Variants in MED24 observed in about 807,000 individuals in gnomAD.
MED24 encodes mediator of RNA polymerase II transcription subunit 24.
A neutral mutation model predicts 118.8 loss-of-function variants in MED24; 74 were observed. That is an observed-to-expected ratio of 0.62 (90% CI 0.52 to 0.76). MED24 has a LOEUF of 0.76. MED24 is among the 30% of genes least tolerant of loss of function. The pLI is 0.00. For missense variants in MED24, 1,041 were observed against 1,278.9 expected, an observed-to-expected ratio of 0.81 and a Z score of 2.84; for synonymous variants, 521 against 523.9, an observed-to-expected ratio of 0.99 and a Z score of 0.08.
chr17:40,041,058 T>A (rs1984513658), intron 3 of MED24, among the ~76,000 whole-genome samples: 1 of 151,548 alleles, frequency 6.6e-6, no homozygotes, highest in Admixed American at 6.6e-5. Flanking sequence ...AACATAAGAG[T>A]CTTCTACACT....
chr17:40,030,665 T>A (rs200914337), intron 12 of MED24, among the ~76,000 whole-genome samples: 75 of 58,844 alleles, frequency 1.3e-3, no homozygotes, highest in South Asian at 0.011. Flanking sequence ...TTTATTTATT[T>A]ATTTTTTTTT....
At chr17:40,042,033 C>G (rs1015047434) in intron 3 of MED24, among the ~76,000 whole-genome samples, 4 of 152,156 alleles carry the variant, frequency 2.6e-5, no homozygotes, top group African/African-American at 9.7e-5. Flanking sequence ...GTCTGCAAAG[C>G]TGAAAATACT....
Position 40,026,865 on chromosome 17 carries a change from A to T in MED24, c.1700T>A (p.Met567Lys). Residue 567 changes from methionine (M) to lysine (K), a missense_variant, in exon 17 of 26, where the codon ATG becomes AAG. This residue lies in a region of MED24 where 587 missense variants were observed against 694.4 expected (regional missense o/e 0.85). Coordinates refer to ENST00000394128, the MANE Select transcript of MED24 (RefSeq NM_014815.4). Reference protein sequence around the residue: ...LVALLNNSSEMKLVQMKWHEA... With the variant: ...LVALLNNSSEKKLVQMKWHEA... ...CGCCCGGGCCACTGACACTAGCTTC[A>T]TCTCCGAGGAGTTGTTGAGCAGGGC... 1 of 1,612,680 alleles carries T rather than the reference A, an allele frequency of 6.2e-7. No homozygotes were observed.
chr17:40,050,094 T>TGAGCC (rs1985664695), intron 3 of MED24, among the ~76,000 whole-genome samples: 1 of 135,542 alleles, frequency 7.4e-6, no homozygotes, highest in African/African-American at 2.9e-5. Context: ...GAGGTTGCAG[T>TGAGCC]GAGCCGAGAT....
At chr17:40,030,662 A>ATTT (rs34089076) in intron 12 of MED24, among the ~76,000 whole-genome samples, 5 of 73,988 alleles carry the variant, frequency 6.8e-5, no homozygotes, top group African/African-American at 1.9e-4. Flanking sequence ...TTATTTATTT[A>ATTT]TTTATTTTTT....
Position 40,033,490 on chromosome 17 carries a change from G to C in MED24, c.560-34C>G. 1.3e-6 allele frequency: 2 copies of C among 1,523,646 alleles called. No homozygotes were observed. The highest frequency in any genetic ancestry group is 1.8e-6 in the Non-Finnish European group (2 of 1,120,816). The allele number at this position is 1,523,646 out of a possible 1,614,324, so 94.4% of individuals were successfully genotyped here. On this transcript the variant is annotated intron_variant, in intron 6 of 25. Transcript: ENST00000394128. This position sits in a 1 kb window ranked among gnomAD's most constrained non-coding sequence, Gnocchi z 5.2. Reference sequence around the variant, plus strand: ...GGGAAGGAAGTACAGAAACATGATGGGAAACAGGAGAGAAGGAGCACCTGG... The same window carrying C: ...GGGAAGGAAGTACAGAAACATGATGCGAAACAGGAGAGAAGGAGCACCTGG...
intron 3 of MED24, among the ~76,000 whole-genome samples, chr17:40,043,615 G>A (rs961815553): frequency 2.0e-5 from 3 of 151,932 alleles, no homozygotes; most frequent in East Asian, 3.9e-4. Flanking sequence ...TAAGCCAGGC[G>A]CGGTGGCTCA....
intron 3 of MED24, among the ~76,000 whole-genome samples, chr17:40,036,830 T>C (rs1983999264): frequency 1.3e-5 from 2 of 152,046 alleles, no homozygotes; most frequent in South Asian, 2.1e-4. Context: ...GAGGTTTTAA[T>C]GGGTAAGAAC....
chr17:40,027,309 A>T, intron 16 of MED24, 74 bp downstream of exon 16: 1 of 1,472,506 alleles, frequency 6.8e-7, no homozygotes, highest in South Asian at 1.3e-5. Flanking sequence ...GCGGGGGCGC[A>T]GGCAGTGAGG....
chr17:40,031,085 G>A (rs1983314097), intron 12 of MED24, 74 bp downstream of exon 12: 4 of 1,421,412 alleles, frequency 2.8e-6, no homozygotes, highest in East Asian at 5.0e-5. Flanking sequence ...AGGTTGAAAG[G>A]CACGCAGCAG....
chr17:40,039,113 A>G (rs1984269534), intron 3 of MED24, among the ~76,000 whole-genome samples: 1 of 152,212 alleles, frequency 6.6e-6, no homozygotes. Flanking sequence ...GCCGGGAGAG[A>G]AACCCCCAAT....
At chr17:40,022,885 C>G in intron 20 of MED24, 59 bp from the exon 21 acceptor site, 1 of 1,569,012 alleles carries the variant, frequency 6.4e-7, no homozygotes, top group Non-Finnish European at 8.7e-7. Context: ...GGGGCTCCTA[C>G]ACCCTGCCAC....
rs765937758 is a variant in MED24 at position 40,020,277 on chromosome 17, G to A, written c.2700C>T (p.Val900=). The change falls in exon 24 of 26, where the codon GTC becomes GTT. Residue 900 remains valine, a synonymous_variant. Transcript: ENST00000394128. ...TVNMRDPLNR[V]LANLFLLISS... is the part of the protein sequence containing the mutation. ...CAGCAGGGGTGGGGAACTCACCCAG[G>A]ACTCGGTTCAGAGGGTCCCGCATGT... is the stretch of plus-strand genomic sequence containing the variant. 26 of 1,539,008 alleles carry A rather than the reference G, an allele frequency of 1.7e-5. No individual in the cohort carries two copies. The Middle Eastern group carries it at 8.7e-4, about 51-fold the overall frequency.
In MED24 at chr17:40,019,793, AGGG is replaced by A; in HGVS notation, c.2842_2844del (p.Pro948del). On this transcript the variant is annotated inframe_deletion, in exon 25 of 26. Coordinates refer to ENST00000394128, the MANE Select transcript of MED24 (RefSeq NM_014815.4). ...GGGAAGGTGGTACTCACGGTGGTGA[AGGG>A]CATGAACTGCAGGACGCTGCCACGG... is the stretch of plus-strand genomic sequence containing the variant. 2 of 1,611,740 alleles carry A rather than the reference AGGG, an allele frequency of 1.2e-6. No homozygotes were observed. Among genetic ancestry groups the A allele is most frequent in the Non-Finnish European group, 1.7e-6 (2 of 1,178,848 alleles).
Position 40,031,175 on chromosome 17 carries a change from T to A in MED24, c.1138A>T (p.Asn380Tyr). The A allele has an allele frequency of 6.4e-7, 1 of 1,568,568 alleles. No individual in the cohort carries two copies. Among genetic ancestry groups the A allele is most frequent in the South Asian group, 1.2e-5 (1 of 85,198 alleles). ...QGLLSEASVNNLMAKRKADRE... is the reference protein window; with the variant it reads ...QGLLSEASVNYLMAKRKADRE... ...CACACTTACCGCTTAGCCATAAGGT[T>A]GTTGACGCTGGCCTCAGACAGAAGC... The change falls in exon 12 of 26, where the codon AAC becomes TAC. Residue 380 changes from asparagine to tyrosine, a missense_variant. Transcript: ENST00000394128.
At position 40,053,624 on chromosome 17, in the gene MED24, G is replaced by A. The variant is rs1370225251; in HGVS notation, c.-26C>T. 2 of 1,613,978 alleles carry A rather than the reference G, an allele frequency of 1.2e-6. No individual in the cohort carries two copies. Among genetic ancestry groups the A allele is most frequent in the Non-Finnish European group, 8.5e-7 (1 of 1,180,028 alleles). On this transcript the variant is annotated 5_prime_UTR_variant, in exon 2 of 26. Transcript: ENST00000394128. The stretch of plus-strand genomic sequence containing the variant: ...TATTTCACTCTGAGCAGGTGGCAGC[G>A]GTGGCGGCCAGCTTTGAGGTGAAAG...
intron 3 of MED24, among the ~76,000 whole-genome samples, chr17:40,041,883 CAG>C (rs1253568397): frequency 6.6e-6 from 1 of 152,204 alleles, no homozygotes; most frequent in Non-Finnish European, 1.5e-5. Context: ...TGGAAAACTA[CAG>C]TCTGCAAGTC....
At chr17:40,040,019 G>A (rs1475195374) in intron 3 of MED24, among the ~76,000 whole-genome samples, 5 of 150,960 alleles carry the variant, frequency 3.3e-5, no homozygotes, top group African/African-American at 9.8e-5. Context: ...TCCTGACCTC[G>A]TGATCTGCCC....
In MED24 at chr17:40,026,753, G is replaced by A. The variant is rs773869689; in HGVS notation, c.1710-7C>T. 1.1e-5 allele frequency: 18 copies of A among 1,611,414 alleles called. No individual in the cohort carries two copies. The highest frequency in any genetic ancestry group is 8.5e-7 in the Non-Finnish European group (1 of 1,178,830). On this transcript the variant is annotated splice_region_variant and splice_polypyrimidine_tract_variant and intron_variant, in intron 17 of 25. Transcript: ENST00000394128. ...CTCATGCCACTTCATCTGCCTGCGG[G>A]TGTGCAGAGAAGTCAGCACAGGGGA...
Sources: allele counts gnomAD v4.1 joint callset (sites outside exome capture counted in the v4.1 genomes callset), GRCh38; gene constraint gnomAD v4.1.1; regional missense constraint gnomAD v4.1.1; non-coding constraint Gnocchi (gnomAD v3.1); transcripts MANE v1.5; gene names NCBI Gene and HGNC (gene_info 2026-07-23, HGNC 2026-07-21).